The following ATP8A2 variants were observed in gnomAD, a reference collection of about 807,000 sequenced individuals.
ATP8A2 encodes the protein phospholipid-transporting ATPase IB.
Under a neutral mutation model 165.6 loss-of-function variants are expected in ATP8A2, and 100 were observed. The ratio of observed to expected loss-of-function variants is 0.60; its 90% confidence interval spans 0.51 to 0.71. ATP8A2 has a LOEUF of 0.71. Ranked by LOEUF, ATP8A2 falls within the 30% of genes least tolerant of loss-of-function variation. The probability of loss-of-function intolerance (pLI) is 0.00; values close to 1 mark genes in which losing one functional copy is unlikely to be tolerated. For synonymous variants in ATP8A2, 543 were observed against 548.8 expected (o/e 0.99, Z 0.15); for missense variants, 1,227 against 1,479.5 (o/e 0.83, Z 2.80).
intron 24 of ATP8A2, among the ~76,000 whole-genome samples, chr13:25,599,833 C>CT (rs922833248): frequency 2.0e-5 from 3 of 152,166 alleles, no homozygotes; most frequent in Non-Finnish European, 4.4e-5. Context: ...CAGCTAATAT[C>CT]TTTTTTCCAC....
At chr13:25,555,718 T>G (rs1008677858) in intron 13 of ATP8A2, among the ~76,000 whole-genome samples, 11 of 152,094 alleles carry the variant, frequency 7.2e-5, no homozygotes, top group Admixed American at 3.3e-4. Context: ...GGAATATGAA[T>G]GATCCCATCA....
Position 25,603,181 on chromosome 13 carries a change from A to G in ATP8A2, c.2211+13482A>G, listed in dbSNP as rs571930207. Among the ~76,000 whole-genome samples, 202 of 151,980 alleles carry G rather than the reference A, an allele frequency of 1.3e-3. 1 individual carries two copies. Among genetic ancestry groups the G allele is most frequent in the African/African-American group, 4.7e-3 (195 of 41,468 alleles). On this transcript the variant is annotated intron_variant, in intron 24 of 36. Transcript: ENST00000381655. Reference sequence around the variant, plus strand: ...TTATTGCTCTTTGACTTGGTAATGAATACTCTACCATTAAAAGGAGTCTTG... The same window carrying G: ...TTATTGCTCTTTGACTTGGTAATGAGTACTCTACCATTAAAAGGAGTCTTG...
Position 25,425,583 on chromosome 13 carries a change from C to CT in ATP8A2, c.77-43385dup, listed in dbSNP as rs1197808475. On this transcript the variant is annotated intron_variant, in intron 1 of 36. Coordinates refer to ENST00000381655, the MANE Select transcript of ATP8A2 (RefSeq NM_016529.6). Reference sequence around the variant, plus strand: ...CTTTTCAGATTGGCTTCTTTCTTTCCTTTTTTTTTGAGATGGAGTCTTGCT... The same window carrying CT: ...CTTTTCAGATTGGCTTCTTTCTTTCCTTTTTTTTTTGAGATGGAGTCTTGCT... 1.9e-3 allele frequency among the ~76,000 whole-genome samples: 216 copies of CT among 112,252 alleles called. 3 individuals carry two copies. Among genetic ancestry groups the CT allele is most frequent in the African/African-American group, 5.6e-3 (188 of 33,838 alleles). 73.6% of individuals were successfully genotyped at this position (112,252 alleles called of 152,430 possible).
intron 24 of ATP8A2, among the ~76,000 whole-genome samples, chr13:25,681,025 A>G (rs1244145987): frequency 2.0e-5 from 3 of 152,228 alleles, no homozygotes; most frequent in Admixed American, 2.0e-4. Flanking sequence ...TTCTGAAGAG[A>G]GGGAAACAAT....
Position 25,823,848 on chromosome 13 carries a change from A to G in ATP8A2, c.2680-4270A>G, listed in dbSNP as rs548216864. ...ATCTTTGAACATTTTTTTAACTTCT[A>G]TTTTCCTCTTTTTTTAAAATACATC... On this transcript the variant is annotated intron_variant, in intron 27 of 36. Transcript: ENST00000381655. 2.6e-5 allele frequency among the ~76,000 whole-genome samples: 4 copies of G among 151,438 alleles called. No individual in the cohort carries two copies. In the South Asian group the frequency reaches 6.2e-4, roughly 24 times the overall value.
chr13:25,943,962 C>T lies in ATP8A2; in HGVS notation c.3184-17613C>T, dbSNP rs552356109. Reference sequence around the variant, plus strand: ...TCCTGTGGAAACAGTCCAGTTATTACGTTTATTGTTTTAAACTGTTACATT... The same window carrying T: ...TCCTGTGGAAACAGTCCAGTTATTATGTTTATTGTTTTAAACTGTTACATT... On this transcript the variant is annotated intron_variant, in intron 33 of 36. Coordinates refer to ENST00000381655, the MANE Select transcript of ATP8A2 (RefSeq NM_016529.6). Among the ~76,000 whole-genome samples, 7 of 152,226 alleles carry T rather than the reference C, an allele frequency of 4.6e-5. No homozygotes were observed. In the South Asian group the frequency reaches 6.2e-4, roughly 14 times the overall value.
chr13:25,515,803 A>T (rs2037448689), intron 2 of ATP8A2, among the ~76,000 whole-genome samples: 1 of 152,228 alleles, frequency 6.6e-6, no homozygotes, highest in East Asian at 1.9e-4. Context: ...TATTTAACTC[A>T]TGTCTCTATG....
intron 33 of ATP8A2, among the ~76,000 whole-genome samples, chr13:25,919,367 C>T (rs1481598044): frequency 6.6e-6 from 1 of 151,884 alleles, no homozygotes; most frequent in Non-Finnish European, 1.5e-5. Context: ...TGAGCGTACC[C>T]TCTCCTTTAT....
At chr13:25,969,946 C>T (rs1049114613) in intron 35 of ATP8A2, among the ~76,000 whole-genome samples, 1 of 152,076 alleles carries the variant, frequency 6.6e-6, no homozygotes, top group Non-Finnish European at 1.5e-5. Context: ...GCATAAGGCT[C>T]AGGACCTGTT....
intron 24 of ATP8A2, among the ~76,000 whole-genome samples, chr13:25,698,149 C>T (rs1015760660): frequency 5.3e-5 from 8 of 151,914 alleles, no homozygotes. Context: ...TTTTATGAGC[C>T]CAAAATTACA....
intron 33 of ATP8A2, among the ~76,000 whole-genome samples, chr13:25,884,631 T>C (rs1034149931): frequency 8.5e-5 from 13 of 152,190 alleles, no homozygotes; most frequent in African/African-American, 2.7e-4. Context: ...TCCCTCCTGA[T>C]CCTCTGTCAG....
intron 27 of ATP8A2, among the ~76,000 whole-genome samples, chr13:25,783,639 G>A (rs1297877712): frequency 2.0e-5 from 3 of 152,106 alleles, no homozygotes; most frequent in African/African-American, 4.8e-5. Context: ...AGGATGAAAC[G>A]AGTTAAGACC....
Position 26,012,665 on chromosome 13 carries a change from T to C in ATP8A2, c.3469+43T>C, listed in dbSNP as rs751949319. The C allele has an allele frequency of 6.4e-6, 7 of 1,094,148 alleles. No individual in the cohort carries two copies. The African/African-American group carries it at 1.2e-4, about 19-fold the overall frequency. The allele number at this position is 1,094,148 out of a possible 1,614,324, so 67.8% of individuals were successfully genotyped here. ...GGGCTGATGGAGGAGTGGGTGTCGG[T>C]GCGGGGCGGGGGTTGATGAGGAGTT... On this transcript the variant is annotated intron_variant, in intron 36 of 36. Transcript: ENST00000381655.
intron 1 of ATP8A2, among the ~76,000 whole-genome samples, chr13:25,401,391 C>T (rs530581144): frequency 1.3e-5 from 2 of 152,084 alleles, no homozygotes; most frequent in Admixed American, 6.5e-5. Context: ...TGATATCAAT[C>T]GAGTTATAAA....
intron 1 of ATP8A2, among the ~76,000 whole-genome samples, chr13:25,386,676 C>T (rs910218825): frequency 6.6e-6 from 1 of 151,804 alleles, no homozygotes; most frequent in Non-Finnish European, 1.5e-5. Context: ...CCTGTCAATA[C>T]AGGATTCTTG....
At chr13:26,014,631 T>A (rs1418981015) in intron 36 of ATP8A2, among the ~76,000 whole-genome samples, 1 of 152,080 alleles carries the variant, frequency 6.6e-6, no homozygotes, top group African/African-American at 2.4e-5. Flanking sequence ...GTCATTTCTA[T>A]GTTAAAAAAA....
Position 25,774,883 on chromosome 13 carries a change from G to T in ATP8A2, c.2603G>T (p.Gly868Val). 6.2e-7 allele frequency: 1 copy of T among 1,613,780 alleles called. No homozygotes were observed. The highest frequency in any genetic ancestry group is 8.5e-7 in the Non-Finnish European group (1 of 1,179,724). ...TTAGAGAAGCTTCTGTTGGTTCATG[G>T]AGCCTGGAGCTACAACCGGGTGACC... ...SYLEKLLLVH[G>V]AWSYNRVTKC... is the part of the protein sequence containing the mutation. The change falls in exon 27 of 37, where the codon GGA (glycine) becomes GTA (valine). Residue 868 changes from glycine to valine, a missense_variant. Transcript: ENST00000381655.
At chr13:25,835,006 T>C (rs1425650533) in intron 28 of ATP8A2, among the ~76,000 whole-genome samples, 3 of 147,122 alleles carry the variant, frequency 2.0e-5, no homozygotes, top group East Asian at 2.1e-4. Context: ...GTGTGTGTAG[T>C]ATGGTATAGG....
At position 25,492,906 on chromosome 13, in the gene ATP8A2, G is replaced by A. The variant is rs543869545; in HGVS notation, c.221+23785G>A. The stretch of plus-strand genomic sequence containing the variant: ...GAGGTGGTCCAAGGATGTGGGGTCC[G>A]TTCCCTGTTGCTTTAGTGCCTGCAC... On this transcript the variant is annotated intron_variant, in intron 2 of 36. Transcript: ENST00000381655. 5.3e-5 allele frequency among the ~76,000 whole-genome samples: 8 copies of A among 152,328 alleles called. No individual in the cohort carries two copies. In the South Asian group the frequency reaches 8.3e-4, roughly 16 times the overall value.
Sources: allele counts gnomAD v4.1 joint callset (sites outside exome capture counted in the v4.1 genomes callset), GRCh38; gene constraint gnomAD v4.1.1; transcripts MANE v1.5; gene names NCBI Gene and HGNC (gene_info 2026-07-23, HGNC 2026-07-21).